The following MAGI2 variants were observed in gnomAD, a reference collection of about 807,000 sequenced individuals.
MAGI2 encodes the protein membrane-associated guanylate kinase, WW and PDZ domain-containing protein 2.
Under a neutral mutation model 133.3 loss-of-function variants are expected in MAGI2, and 35 were observed. That is an observed-to-expected ratio of 0.26 (90% confidence interval 0.20 to 0.35). The LOEUF (loss-of-function observed/expected upper bound fraction) is 0.35. Ranked by LOEUF, MAGI2 falls within the 10% of genes least tolerant of loss-of-function variation. The pLI, the probability that MAGI2 is intolerant of heterozygous loss-of-function variation, is 1.00. For missense variants in MAGI2, 1,636 were observed against 1,863.4 expected, an observed-to-expected ratio of 0.88 and a Z score of 2.25; for synonymous variants, 729 against 710.6, an observed-to-expected ratio of 1.03 and a Z score of -0.41.
At chr7:79,368,586 C>A (rs1842866478) in intron 1 of MAGI2, among the ~76,000 whole-genome samples, 1 of 152,190 alleles carries the variant, frequency 6.6e-6, no homozygotes, top group East Asian at 1.9e-4. Flanking sequence ...CGGTGGCTCA[C>A]GCCTGTAATC....
chr7:79,292,194 G>A (rs1172143945), intron 1 of MAGI2, among the ~76,000 whole-genome samples: 1 of 152,180 alleles, frequency 6.6e-6, no homozygotes, highest in South Asian at 2.1e-4. Context: ...TGTCAAAAAC[G>A]AATTTGCCAT....
chr7:78,718,279 A>G (rs1406502558), intron 2 of MAGI2, among the ~76,000 whole-genome samples: 1 of 152,174 alleles, frequency 6.6e-6, no homozygotes, highest in Non-Finnish European at 1.5e-5. Context: ...CAGTGTAGTC[A>G]CACCAAGTAG....
intron 3 of MAGI2, among the ~76,000 whole-genome samples, chr7:78,621,454 G>T (rs1024776435): frequency 6.6e-6 from 1 of 151,908 alleles, no homozygotes; most frequent in African/African-American, 2.4e-5. Context: ...AAAAGGTGAG[G>T]ATGAAATCAT....
At chr7:78,614,029 G>A (rs1457395031) in intron 3 of MAGI2, among the ~76,000 whole-genome samples, 3 of 151,940 alleles carry the variant, frequency 2.0e-5, no homozygotes, top group African/African-American at 4.8e-5. Context: ...AGAATCAATT[G>A]AACCTGGGAG....
At chr7:78,482,363 G>T (rs190730171) in intron 6 of MAGI2, among the ~76,000 whole-genome samples, 2 of 151,836 alleles carry the variant, frequency 1.3e-5, no homozygotes, top group Non-Finnish European at 2.9e-5. Flanking sequence ...AAACTGAAAC[G>T]CACTTAGTAT....
intron 1 of MAGI2, among the ~76,000 whole-genome samples, chr7:79,224,572 TTCA>T (rs1470484889): frequency 6.6e-6 from 1 of 152,074 alleles, no homozygotes; most frequent in African/African-American, 2.4e-5. Context: ...AACCCAAATG[TTCA>T]TCAATTGGGG....
At position 79,089,967 on chromosome 7, in the gene MAGI2, C is replaced by T. The variant is rs576072645; in HGVS notation, c.302-82761G>A. Among the ~76,000 whole-genome samples, 135 of 151,808 alleles carry T rather than the reference C, an allele frequency of 8.9e-4. No individual in the cohort carries two copies. The Middle Eastern group carries it at 0.021, about 23-fold the overall frequency. ...TGTAAGGTATACCTATACATGTGCA[C>T]ATTCTGCACATGTATCCCAGAACTT... is the stretch of plus-strand genomic sequence containing the variant. On this transcript the variant is annotated intron_variant, in intron 1 of 21. Transcript: ENST00000354212.
chr7:78,684,734 A>G lies in MAGI2; in HGVS notation c.419-57495T>C, dbSNP rs1418734700. ...TTCAGGTGCTTCCAGGAAAAAAGAA[A>G]AAAAAGCATTTTTTTTCTCCCTAAA... On this transcript the variant is annotated intron_variant, in intron 2 of 21. Coordinates refer to ENST00000354212, the MANE Select transcript of MAGI2 (RefSeq NM_012301.4). 5.4e-5 allele frequency among the ~76,000 whole-genome samples: 8 copies of G among 147,296 alleles called. No homozygotes were observed. In the East Asian group the frequency reaches 9.8e-4, roughly 18 times the overall value.
intron 1 of MAGI2, among the ~76,000 whole-genome samples, chr7:79,210,998 A>G (rs1254807393): frequency 1.3e-5 from 2 of 152,056 alleles, no homozygotes; most frequent in African/African-American, 4.8e-5. Flanking sequence ...TATGCATGCT[A>G]TTGAAAAAAC....
intron 10 of MAGI2, among the ~76,000 whole-genome samples, chr7:78,225,676 T>G (rs2150855098): frequency 6.6e-6 from 1 of 152,266 alleles, no homozygotes; most frequent in South Asian, 2.1e-4. Flanking sequence ...TTTGTTGGGG[T>G]GAGAGTGCTT....
intron 2 of MAGI2, among the ~76,000 whole-genome samples, chr7:78,653,987 T>C (rs1443095337): frequency 6.6e-6 from 1 of 152,184 alleles, no homozygotes; most frequent in African/African-American, 2.4e-5. Context: ...CTTACAGTGA[T>C]ACCCTGAAAA....
intron 2 of MAGI2, among the ~76,000 whole-genome samples, chr7:78,719,968 T>C (rs1820105905): frequency 6.6e-6 from 1 of 152,134 alleles, no homozygotes; most frequent in Non-Finnish European, 1.5e-5. Flanking sequence ...AAATATTTAG[T>C]TAAATCTACT....
intron 14 of MAGI2, among the ~76,000 whole-genome samples, chr7:78,173,259 C>T (rs1030183490): frequency 2.0e-5 from 3 of 152,202 alleles, no homozygotes; most frequent in Non-Finnish European, 4.4e-5. Flanking sequence ...GCTGCATTCA[C>T]GCATCTGAGC....
At chr7:78,396,377 G>GA (rs1470286312) in intron 6 of MAGI2, among the ~76,000 whole-genome samples, 1 of 152,026 alleles carries the variant, frequency 6.6e-6, no homozygotes, top group African/African-American at 2.4e-5. Flanking sequence ...AGCCACGCTG[G>GA]TTTTTTTCCT....
At chr7:79,278,971 C>T in intron 1 of MAGI2, among the ~76,000 whole-genome samples, 1 of 152,068 alleles carries the variant, frequency 6.6e-6, no homozygotes, top group East Asian at 1.9e-4. Context: ...AATAATTGAG[C>T]AGACACTCAG....
At chr7:78,527,818 C>T (rs967320796) in intron 3 of MAGI2, among the ~76,000 whole-genome samples, 2 of 152,144 alleles carry the variant, frequency 1.3e-5, no homozygotes, top group East Asian at 1.9e-4. Flanking sequence ...TCTGTTGTTT[C>T]AATCCTTTTG....
intron 1 of MAGI2, among the ~76,000 whole-genome samples, chr7:79,216,197 G>A (rs1830025747): frequency 6.6e-6 from 1 of 151,932 alleles, no homozygotes; most frequent in African/African-American, 2.4e-5. Flanking sequence ...GTTGAGAGGA[G>A]TTTGGCTGGG....
At chr7:79,044,270 T>C (rs1383680112) in intron 1 of MAGI2, among the ~76,000 whole-genome samples, 2 of 152,134 alleles carry the variant, frequency 1.3e-5, no homozygotes, top group Non-Finnish European at 2.9e-5. Context: ...GCAAGGTTGG[T>C]TTAACAATAA....
At chr7:78,944,661 C>T (rs999201027) in intron 2 of MAGI2, among the ~76,000 whole-genome samples, 1 of 151,958 alleles carries the variant, frequency 6.6e-6, no homozygotes, top group Non-Finnish European at 1.5e-5. Flanking sequence ...ACCACCCGCC[C>T]ACTAGCACCC....
Sources: gnomAD v4.1 joint callset for allele counts (sites outside exome capture counted in the v4.1 genomes callset) on GRCh38, gnomAD v4.1.1 for gene constraint, MANE v1.5 for transcripts, NCBI Gene and HGNC (gene_info 2026-07-23, HGNC 2026-07-21) for gene names.